ANXA13: variants seen among roughly 807,000 people sequenced by gnomAD.
ANXA13 encodes the protein annexin XIII.
A neutral mutation model predicts 46.6 loss-of-function variants in ANXA13; 36 were observed. The observed-to-expected ratio is 0.77, with a 90% CI of 0.59 to 1.02. ANXA13 has a LOEUF of 1.02. Among genes scored for constraint, ANXA13 ranks in the 50% least tolerant of loss-of-function variants. The pLI, the probability that ANXA13 is intolerant of heterozygous loss-of-function variation, is 0.00. For missense variants in ANXA13, 417 were observed against 396.5 expected, an observed-to-expected ratio of 1.05 and a Z score of -0.44; for synonymous variants, 163 against 152.9, an observed-to-expected ratio of 1.07 and a Z score of -0.49.
intron 2 of ANXA13, among the ~76,000 whole-genome samples, chr8:123,703,016 A>G (rs1403662295): frequency 1.3e-5 from 2 of 152,194 alleles, no homozygotes; most frequent in Non-Finnish European, 2.9e-5. Context: ...TTTTATTCCT[A>G]GGGAAATGAA....
chr8:123,712,498 T>C (rs1813678902), intron 2 of ANXA13, 180 bp downstream of exon 2: 1 of 612,288 alleles, frequency 1.6e-6, no homozygotes, highest in Non-Finnish European at 2.9e-6. Flanking sequence ...TGAAAAGTAA[T>C]AGGATCCTAC....
At chr8:123,721,426 A>G (rs1813869641) in intron 1 of ANXA13, among the ~76,000 whole-genome samples, 1 of 152,190 alleles carries the variant, frequency 6.6e-6, no homozygotes, top group Non-Finnish European at 1.5e-5. Context: ...AGATGGTAAT[A>G]ATAGTACCCA....
intron 1 of ANXA13, among the ~76,000 whole-genome samples, chr8:123,722,998 A>G (rs2129926621): frequency 6.6e-6 from 1 of 152,372 alleles, no homozygotes; most frequent in South Asian, 2.1e-4. Context: ...TTGAAGACTG[A>G]AAAGACACGA....
intron 3 of ANXA13, among the ~76,000 whole-genome samples, chr8:123,701,553 A>T (rs1020295996): frequency 6.6e-6 from 1 of 152,244 alleles, no homozygotes; most frequent in South Asian, 2.1e-4. Context: ...TGAACTGAAG[A>T]TGCACTTATT....
chr8:123,685,654 T>C (rs1476281525), intron 9 of ANXA13, among the ~76,000 whole-genome samples: 8 of 152,172 alleles, frequency 5.3e-5, no homozygotes, highest in Admixed American at 5.2e-4. Context: ...GTCTGTGTGA[T>C]TGATGCTTAT....
chr8:123,706,038 C>T (rs181648968), intron 2 of ANXA13, among the ~76,000 whole-genome samples: 13 of 152,298 alleles, frequency 8.5e-5, no homozygotes, highest in Non-Finnish European at 1.6e-4. Context: ...ACCTCTACAG[C>T]TCTGGGAACA....
intron 1 of ANXA13, chr8:123,728,121 G>T (rs958295665): frequency 6.6e-6 from 1 of 152,190 alleles, no homozygotes; most frequent in African/African-American, 2.4e-5. Context: ...ATTCTTAGGG[G>T]CCCTTGAGTG....
chr8:123,680,899 T>C lies in ANXA13; in HGVS notation c.*341A>G. 5.0e-6 allele frequency: 1 copy of C among 199,580 alleles called. No homozygotes were observed. The highest frequency in any genetic ancestry group is 1.0e-5 in the Non-Finnish European group (1 of 98,464). 12.4% of individuals were successfully genotyped at this position (199,580 alleles called of 1,614,324 possible). A position where few individuals can be genotyped will look rare whatever the true frequency, so the allele number is the denominator to read the frequency against. On this transcript the variant is annotated 3_prime_UTR_variant, in exon 11 of 11. Transcript: ENST00000419625. Reference sequence around the variant, plus strand: ...TTTTGTCTTTCCTGTACCTTACTTGTGTGATGCATATCCTTCTAAATGTGC... The same window carrying C: ...TTTTGTCTTTCCTGTACCTTACTTGCGTGATGCATATCCTTCTAAATGTGC...
At chr8:123,701,923 C>G (rs929920148) in intron 3 of ANXA13, among the ~76,000 whole-genome samples, 1 of 152,186 alleles carries the variant, frequency 6.6e-6, no homozygotes, top group Non-Finnish European at 1.5e-5. Context: ...AGGCCTGAAG[C>G]AATTGTTACC....
intron 2 of ANXA13, 126 bp downstream of exon 2, chr8:123,712,552 G>T: frequency 1.2e-6 from 1 of 828,676 alleles, no homozygotes; most frequent in South Asian, 1.5e-5. Flanking sequence ...GGAAGTGATT[G>T]ACTTGCGTTA....
At chr8:123,733,596 A>G (rs1814168576) in intron 1 of ANXA13, among the ~76,000 whole-genome samples, 2 of 152,256 alleles carry the variant, frequency 1.3e-5, no homozygotes, top group Non-Finnish European at 1.5e-5. Flanking sequence ...TTCACAAACA[A>G]CGTGGCAGAC....
At chr8:123,683,051 G>A (rs191853785) in intron 10 of ANXA13, among the ~76,000 whole-genome samples, 2 of 152,220 alleles carry the variant, frequency 1.3e-5, no homozygotes, top group East Asian at 1.9e-4. Context: ...ATCTCTCAGT[G>A]ACTTTGGCTG....
At chr8:123,682,302 A>C (rs1160627248) in intron 10 of ANXA13, among the ~76,000 whole-genome samples, 2 of 152,236 alleles carry the variant, frequency 1.3e-5, no homozygotes, top group Non-Finnish European at 2.9e-5. Flanking sequence ...ATAAATCCAA[A>C]GATTGCTCTG....
In ANXA13 at chr8:123,695,488, C is replaced by T. The variant is rs1214396553; in HGVS notation, c.471+14G>A. 3 of 1,607,574 alleles carry T rather than the reference C, an allele frequency of 1.9e-6. No homozygotes were observed. Among genetic ancestry groups the T allele is most frequent in the East Asian group, 4.5e-5 (2 of 44,832 alleles). On this transcript the variant is annotated intron_variant, in intron 6 of 10. Coordinates refer to ENST00000419625, the MANE Select transcript of ANXA13 (RefSeq NM_004306.4). Reference sequence around the variant, plus strand: ...CCTAAGATGATAAAACAGGTGACACCTCTTTCCTCTTACCTGCAGCAGAGA... The same window carrying T: ...CCTAAGATGATAAAACAGGTGACACTTCTTTCCTCTTACCTGCAGCAGAGA...
chr8:123,714,369 G>A (rs1003902117), intron 1 of ANXA13, among the ~76,000 whole-genome samples: 2 of 152,182 alleles, frequency 1.3e-5, no homozygotes, highest in Non-Finnish European at 2.9e-5. Flanking sequence ...GATACTGAGA[G>A]AGATACACGT....
At chr8:123,682,345 G>A (rs1025198354) in intron 10 of ANXA13, among the ~76,000 whole-genome samples, 7 of 152,212 alleles carry the variant, frequency 4.6e-5, no homozygotes, top group East Asian at 1.9e-4. Flanking sequence ...CAAAGGAGAC[G>A]ATACTTGTAC....
intron 3 of ANXA13, among the ~76,000 whole-genome samples, chr8:123,700,175 C>T (rs1484001981): frequency 2.6e-5 from 4 of 152,300 alleles, no homozygotes; most frequent in South Asian, 2.1e-4. Context: ...CTTGTGAAGG[C>T]AGGTCTGTGG....
chr8:123,722,342 AAAAGAAAG>A (rs148382346), intron 1 of ANXA13, among the ~76,000 whole-genome samples: 5,594 of 136,892 alleles, frequency 0.041, 144 homozygotes, highest in Non-Finnish European at 0.05. Flanking sequence ...GAAAGAAAAG[AAAAGAAAG>A]AAAGAAAGAA....
intron 1 of ANXA13, among the ~76,000 whole-genome samples, chr8:123,713,506 C>CA (rs1813701371): frequency 6.6e-6 from 1 of 151,968 alleles, no homozygotes; most frequent in South Asian, 2.1e-4. Flanking sequence ...TTTGTGAGCA[C>CA]AAAAATGGAA....
Sources: allele counts gnomAD v4.1 joint callset (sites outside exome capture counted in the v4.1 genomes callset), GRCh38; gene constraint gnomAD v4.1.1; transcripts MANE v1.5; gene names NCBI Gene and HGNC (gene_info 2026-07-23, HGNC 2026-07-21).